Variants in JAKMIP3 observed in about 807,000 individuals in gnomAD.
JAKMIP3 encodes Janus kinase and microtubule interacting protein 3.
In JAKMIP3, 58 loss-of-function variants were observed where a neutral mutation model predicts 118.5. The observed-to-expected ratio is 0.49, with a 90% CI of 0.40 to 0.61. The LOEUF is 0.61. JAKMIP3 is among the 20% of genes least tolerant of loss of function. The pLI is 0.00. For synonymous variants in JAKMIP3, 486 were observed against 451.2 expected (o/e 1.08, Z -0.98); for missense variants, 950 against 1,109.0 (o/e 0.86, Z 2.04).
At position 132,146,873 on chromosome 10, in the gene JAKMIP3, C is replaced by T. The variant is rs150525330; in HGVS notation, c.1750-1079C>T. ...GCTCAGCACAGTGCTGTGTGTGCCA[C>T]GTAAATGCCGGCACAGGCAGAGATC... is the stretch of plus-strand genomic sequence containing the variant. On this transcript the variant is annotated intron_variant, in intron 13 of 23. Transcript: ENST00000684848. Among the ~76,000 whole-genome samples the T allele has an allele frequency of 2.3e-3, 349 of 152,304 alleles. 5 individuals are homozygous for T. Among genetic ancestry groups the T allele is most frequent in the African/African-American group, 7.8e-3 (326 of 41,564 alleles).
chr10:132,177,739 A>G (rs1175804013), intron 23 of JAKMIP3, among the ~76,000 whole-genome samples: 10 of 128,560 alleles, frequency 7.8e-5, no homozygotes, highest in Admixed American at 4.8e-4. Flanking sequence ...GTGTGTGTGC[A>G]CACTGCATTT....
Position 132,044,691 on chromosome 10 carries a change from T to C in JAKMIP3, c.-138+7953T>C, listed in dbSNP as rs2037856911. ...GTTTTAAATTGTGGCGAAATACACA[T>C]ACAAGTCACCATCTGAACCATTTTT... On this transcript the variant is annotated intron_variant, in intron 1 of 23. Transcript: ENST00000657785. This position sits in a 1 kb window ranked among gnomAD's most constrained non-coding sequence, Gnocchi z 5.3. Among the ~76,000 whole-genome samples the C allele has an allele frequency of 6.6e-6, 1 of 152,094 alleles. No individual in the cohort carries two copies. The highest frequency in any genetic ancestry group is 2.4e-5 in the African/African-American group (1 of 41,404).
chr10:132,152,848 C>CT (rs2056450419), intron 16 of JAKMIP3, 110 bp from the exon 17 acceptor site: 3 of 795,980 alleles, frequency 3.8e-6, no homozygotes, highest in Non-Finnish European at 6.3e-6. Context: ...GGCCCCCACC[C>CT]AGGCGTCCCC....
At chr10:132,095,222 C>G (rs2043687407) in intron 1 of JAKMIP3, among the ~76,000 whole-genome samples, 1 of 152,202 alleles carries the variant, frequency 6.6e-6, no homozygotes, top group South Asian at 2.1e-4. Context: ...TTCACACCCT[C>G]CCCCAAGTTC....
intron 16 of JAKMIP3, among the ~76,000 whole-genome samples, chr10:132,150,895 A>G (rs1409357075): frequency 6.6e-6 from 1 of 151,392 alleles, no homozygotes; most frequent in Non-Finnish European, 1.5e-5. Context: ...TCCTTCATCC[A>G]TCATCCTTAA....
rs1174075207 is a variant in JAKMIP3 at position 132,112,581 on chromosome 10, CAG to C, written c.136-4492_136-4491del. ...AAAGTCCCGCTTGGCTCTGTGTTCA[CAG>C]AGATTTATGTGAATGTCTTGCATTT... On this transcript the variant is annotated intron_variant, in intron 2 of 23. Coordinates refer to ENST00000684848, the MANE Select transcript of JAKMIP3 (RefSeq NM_001323087.2). The surrounding 1 kb of genome is among the most constrained non-coding windows in gnomAD (Gnocchi z 4.3). Among the ~76,000 whole-genome samples the C allele has an allele frequency of 9.2e-5, 14 of 152,320 alleles. No homozygotes were observed. In the East Asian group the frequency reaches 2.5e-3, roughly 27 times the overall value.
chr10:132,152,145 G>A (rs2136195805), intron 16 of JAKMIP3, among the ~76,000 whole-genome samples: 1 of 152,324 alleles, frequency 6.6e-6, no homozygotes, highest in South Asian at 2.1e-4. Flanking sequence ...GCCTGAGTCA[G>A]GAGTGCAGCT....
chr10:132,103,658 G>A (rs1208929011), intron 1 of JAKMIP3, among the ~76,000 whole-genome samples: 1 of 152,076 alleles, frequency 6.6e-6, no homozygotes, highest in Non-Finnish European at 1.5e-5. Flanking sequence ...GACTTGCTGT[G>A]ACCAGTGGAG....
intron 1 of JAKMIP3, among the ~76,000 whole-genome samples, 111 bp downstream of exon 1, chr10:132,066,172 G>A (rs1377356218): frequency 6.6e-6 from 1 of 152,224 alleles, no homozygotes; most frequent in Non-Finnish European, 1.5e-5. Context: ...GCACACGTAT[G>A]TGGCTGGAAA....
At chr10:132,110,738 C>CT (rs756865336) in intron 2 of JAKMIP3, among the ~76,000 whole-genome samples, 5 of 152,254 alleles carry the variant, frequency 3.3e-5, no homozygotes, top group Non-Finnish European at 5.9e-5. Flanking sequence ...AAGCTGACTC[C>CT]TCCAGGTGCC....
chr10:132,101,347 C>G (rs1003155187), intron 1 of JAKMIP3, among the ~76,000 whole-genome samples: 1 of 152,106 alleles, frequency 6.6e-6, no homozygotes, highest in African/African-American at 2.4e-5. Flanking sequence ...CAAGGACCGA[C>G]CCCCCAACCC....
At chr10:132,109,705 T>C (rs2046554601) in intron 2 of JAKMIP3, among the ~76,000 whole-genome samples, 1 of 152,184 alleles carries the variant, frequency 6.6e-6, no homozygotes, top group Admixed American at 6.5e-5. Flanking sequence ...GAGTTGACCT[T>C]CGAGTCTTCC....
At chr10:132,182,205 A>G (rs2061560733) in intron 23 of JAKMIP3, among the ~76,000 whole-genome samples, 152 bp from the exon 24 acceptor site, 1 of 152,194 alleles carries the variant, frequency 6.6e-6, no homozygotes, top group Non-Finnish European at 1.5e-5. Flanking sequence ...TGCTGGACCC[A>G]TGAGGGCAGT....
intron 3 of JAKMIP3, among the ~76,000 whole-genome samples, chr10:132,125,042 C>G (rs1385219517): frequency 2.0e-5 from 3 of 152,248 alleles, no homozygotes; most frequent in Non-Finnish European, 2.9e-5. Context: ...ACCCAGTTGT[C>G]TTCCTCATGC....
At chr10:132,106,987 A>T (rs2046005551) in intron 2 of JAKMIP3, among the ~76,000 whole-genome samples, 1 of 151,948 alleles carries the variant, frequency 6.6e-6, no homozygotes, top group African/African-American at 2.4e-5. Flanking sequence ...GGGCTCAAGC[A>T]ATCCTCTCAC....
intron 1 of JAKMIP3, among the ~76,000 whole-genome samples, chr10:132,059,468 TGGTGACCACAGCAAG>T (rs1479915934): frequency 2.6e-5 from 4 of 152,264 alleles, no homozygotes; most frequent in Non-Finnish European, 5.9e-5. Flanking sequence ...GAGCCTGGCG[TGGTGACCACAGCAAG>T]GATGACCCAG....
rs1257844771 is a variant in JAKMIP3 at position 132,180,547 on chromosome 10, GTGCGTGCA to G, written c.*1104-1803_*1104-1796del. On this transcript the variant is annotated intron_variant, in intron 23 of 23. Transcript: ENST00000684848. ...ACTGTGTGTGTGTGTGTGTGTGTGCGTGCGTGCATGCGTGTGTGTGCGTGTGTGTGTGC... is the reference window on the plus strand; with the variant it reads ...ACTGTGTGTGTGTGTGTGTGTGTGCGTGCGTGTGTGTGCGTGTGTGTGTGC... Among the ~76,000 whole-genome samples, 3 of 26,546 alleles carry G rather than the reference GTGCGTGCA, an allele frequency of 1.1e-4. 1 individual carries two copies. The highest frequency in any genetic ancestry group is 1.9e-4 in the Non-Finnish European group (3 of 15,582). 17.4% of individuals were successfully genotyped at this position (26,546 alleles called of 152,430 possible). A position where few individuals can be genotyped will look rare whatever the true frequency, so the allele number is the denominator to read the frequency against.
At chr10:132,067,881 G>A (rs1280128016) in intron 1 of JAKMIP3, among the ~76,000 whole-genome samples, 5 of 143,394 alleles carry the variant, frequency 3.5e-5, no homozygotes, top group African/African-American at 1.1e-4. Context: ...GGGCTTCCGT[G>A]TGGACTGGAC....
At chr10:132,155,675 T>C (rs1011642478) in intron 19 of JAKMIP3, among the ~76,000 whole-genome samples, 3 of 152,218 alleles carry the variant, frequency 2.0e-5, no homozygotes, top group African/African-American at 7.2e-5. Context: ...TCCTGTAAGA[T>C]GCTGGGCATG....
Sources: allele counts gnomAD v4.1 joint callset (sites outside exome capture counted in the v4.1 genomes callset), GRCh38; gene constraint gnomAD v4.1.1; non-coding constraint Gnocchi (gnomAD v3.1); transcripts MANE v1.5; gene names NCBI Gene and HGNC (gene_info 2026-07-23, HGNC 2026-07-21).